CYP2J2: variants seen among roughly 807,000 people sequenced by gnomAD.
The protein encoded by CYP2J2 is cytochrome P450 2J2.
Under a neutral mutation model 48.8 loss-of-function variants are expected in CYP2J2, and 41 were observed. The observed-to-expected ratio is 0.84, with a 90% CI of 0.66 to 1.09. The LOEUF (loss-of-function observed/expected upper bound fraction) is 1.09. Ranked by LOEUF, CYP2J2 falls within the 50% of genes least tolerant of loss-of-function variation. CYP2J2 has a pLI of 0.00. For synonymous variants in CYP2J2, 221 were observed against 227.1 expected (o/e 0.97, Z 0.24); for missense variants, 644 against 617.3 (o/e 1.04, Z -0.46).
At chr1:59,926,191 A>G (rs1644562284) in intron 1 of CYP2J2, among the ~76,000 whole-genome samples, 1 of 152,216 alleles carries the variant, frequency 6.6e-6, no homozygotes, top group Non-Finnish European at 1.5e-5. Context: ...CATTTTATGT[A>G]TGGGAAATGA....
chr1:59,893,816 G>C lies in CYP2J2; in HGVS notation c.1344C>G (p.Cys448Trp). 6.2e-7 allele frequency: 1 copy of C among 1,603,802 alleles called. No homozygotes were observed. Among genetic ancestry groups the C allele is most frequent in the South Asian group, 1.1e-5 (1 of 88,118 alleles). Residue 448 changes from cysteine (C) to tryptophan (W), a missense_variant, in exon 9 of 9, where the codon TGC becomes TGG. Coordinates refer to ENST00000371204, the MANE Select transcript of CYP2J2 (RefSeq NM_000775.4). ...CAGTCCTGGCCAACTGTTCTCCGAG[G>C]CATGCCCGCTTTCCTGTAAGACAAA... ...FMPFSIGKRA[C>W]LGEQLARTEL...
intron 8 of CYP2J2, among the ~76,000 whole-genome samples, chr1:59,896,775 A>AATAATT (rs1644273524): frequency 6.6e-6 from 1 of 152,218 alleles, no homozygotes. Context: ...TTTAAAAAGC[A>AATAATT]TGAAAAAGAA....
intron 1 of CYP2J2, among the ~76,000 whole-genome samples, chr1:59,925,888 G>A (rs1644559261): frequency 6.6e-6 from 1 of 152,202 alleles, no homozygotes; most frequent in South Asian, 2.1e-4. Context: ...GGTTTCTTGA[G>A]ATAGGGTTTG....
the CYP2J2 span, among the ~76,000 whole-genome samples, chr1:59,941,491 C>T: frequency 3.3e-4 from 51 of 152,308 alleles, no homozygotes; most frequent in African/African-American, 1.2e-3. Context: ...GTACTTACTA[C>T]ACTTTTTAAT....
the CYP2J2 span, among the ~76,000 whole-genome samples, chr1:59,947,791 C>A: frequency 6.6e-6 from 1 of 152,096 alleles, no homozygotes; most frequent in Non-Finnish European, 1.5e-5. Context: ...TCTTTATTTC[C>A]TCCATGAGGG....
chr1:59,926,204 T>C (rs1304652175), intron 1 of CYP2J2, among the ~76,000 whole-genome samples: 1 of 152,058 alleles, frequency 6.6e-6, no homozygotes. Context: ...GGAAATGAAG[T>C]TTCTCAGAAA....
the CYP2J2 span, among the ~76,000 whole-genome samples, chr1:59,941,251 C>T: frequency 5.3e-5 from 8 of 152,128 alleles, no homozygotes; most frequent in Non-Finnish European, 1.0e-4. Context: ...CAGTGATGGC[C>T]TGCCTATATG....
the CYP2J2 span, among the ~76,000 whole-genome samples, chr1:59,950,460 T>C: frequency 6.6e-6 from 1 of 152,232 alleles, no homozygotes; most frequent in Admixed American, 6.5e-5. Context: ...CCCTGACATT[T>C]GCTTCCCAGC....
upstream of CYP2J2, chr1:59,926,860 G>C: frequency 2.1e-6 from 2 of 944,702 alleles, no homozygotes; most frequent in Non-Finnish European, 3.2e-6. Context: ...CCGCCCCTTC[G>C]CAGCACCCTG....
At chr1:59,902,878 G>A (rs1338761379) in intron 7 of CYP2J2, among the ~76,000 whole-genome samples, 1 of 152,202 alleles carries the variant, frequency 6.6e-6, no homozygotes, top group Non-Finnish European at 1.5e-5. Flanking sequence ...CCCAGAGTCA[G>A]AGAGTGGGAG....
intron 5 of CYP2J2, among the ~76,000 whole-genome samples, chr1:59,908,224 C>T (rs756689364): frequency 2.6e-5 from 4 of 152,268 alleles, no homozygotes; most frequent in Non-Finnish European, 5.9e-5. Flanking sequence ...GTGAACGAGA[C>T]AGATTTGGCT....
At chr1:59,918,913 A>G (rs574970427) in intron 1 of CYP2J2, among the ~76,000 whole-genome samples, 71 of 152,342 alleles carry the variant, frequency 4.7e-4, no homozygotes, top group Middle Eastern at 6.8e-3. Context: ...GTAAAGAGGA[A>G]GAAGTAAAGG....
Position 59,916,102 on chromosome 1 carries a change from T to G in CYP2J2, c.211-2A>C. On this transcript the variant is annotated splice_acceptor_variant, in intron 1 of 8. Transcript: ENST00000371204. LOFTEE classifies it high-confidence loss of function. ...AAGGTTCCCATATTTCTTCACAAAC[T>G]GAAAAATAGTTAAATCGTAACAGTT... The G allele has an allele frequency of 1.2e-6, 2 of 1,604,446 alleles. No homozygotes were observed. Among genetic ancestry groups the G allele is most frequent in the South Asian group, 2.2e-5 (2 of 89,538 alleles).
intron 2 of CYP2J2, among the ~76,000 whole-genome samples, chr1:59,914,016 T>C (rs1644442558): frequency 6.6e-6 from 1 of 152,212 alleles, no homozygotes; most frequent in Non-Finnish European, 1.5e-5. Context: ...CCCTGTCCTT[T>C]TCATTTCAGG....
chr1:59,914,857 C>G (rs1644450398), intron 2 of CYP2J2, among the ~76,000 whole-genome samples: 1 of 152,208 alleles, frequency 6.6e-6, no homozygotes, highest in Non-Finnish European at 1.5e-5. Flanking sequence ...AGGAAGGCCA[C>G]TGTCTCCTGC....
At chr1:59,955,169 A>T in the CYP2J2 span, among the ~76,000 whole-genome samples, 39 of 147,772 alleles carry the variant, frequency 2.6e-4, no homozygotes, top group South Asian at 2.1e-3. Context: ...AAATAAATAA[A>T]TAATTAAAAA....
chr1:59,934,969 T>C, the CYP2J2 span, among the ~76,000 whole-genome samples: 2 of 117,812 alleles, frequency 1.7e-5, no homozygotes, highest in African/African-American at 3.2e-5. Flanking sequence ...TCCTGATAGA[T>C]GAAGGTAAAA....
At chr1:59,931,091 A>G (rs1057020656), upstream of CYP2J2, among the ~76,000 whole-genome samples, 2 of 152,180 alleles carry the variant, frequency 1.3e-5, no homozygotes, top group African/African-American at 4.8e-5. Flanking sequence ...TTAGATTGAT[A>G]AGAAAAGTAA....
At chr1:59,909,579 T>A (rs1158981963) in intron 5 of CYP2J2, among the ~76,000 whole-genome samples, 1 of 152,130 alleles carries the variant, frequency 6.6e-6, no homozygotes, top group East Asian at 1.9e-4. Flanking sequence ...CTCCAGCACC[T>A]CCAAAGAGAT....
Sources: allele counts gnomAD v4.1 joint callset (sites outside exome capture counted in the v4.1 genomes callset), GRCh38; gene constraint gnomAD v4.1.1; transcripts MANE v1.5; gene names NCBI Gene and HGNC (gene_info 2026-07-23, HGNC 2026-07-21).